The following NEK7 variants were observed in gnomAD, a reference collection of about 807,000 sequenced individuals.
NEK7 encodes the protein serine/threonine-protein kinase Nek7.
A neutral mutation model predicts 44.6 loss-of-function variants in NEK7; 18 were observed. The observed-to-expected ratio is 0.40, with a 90% CI of 0.28 to 0.60. The LOEUF (loss-of-function observed/expected upper bound fraction) is 0.60. Among genes scored for constraint, NEK7 ranks in the 20% least tolerant of loss-of-function variants. The probability of loss-of-function intolerance (pLI) is 0.38; values close to 1 mark genes in which losing one functional copy is unlikely to be tolerated. For synonymous variants in NEK7, 130 were observed against 121.1 expected (o/e 1.07, Z -0.48); for missense variants, 256 against 366.5 (o/e 0.70, Z 2.46).
intron 1 of NEK7, among the ~76,000 whole-genome samples, chr1:198,208,224 G>A (rs576535876): frequency 1.3e-5 from 2 of 152,230 alleles, no homozygotes; most frequent in African/African-American, 4.8e-5. Flanking sequence ...TGATGTATTG[G>A]ATATAGTATG....
At chr1:198,193,561 T>C (rs141043167) in intron 1 of NEK7, among the ~76,000 whole-genome samples, 1 of 152,250 alleles carries the variant, frequency 6.6e-6, no homozygotes, top group East Asian at 1.9e-4. Context: ...AAATCCTCAG[T>C]GAAATACTGG....
rs144879182 is a variant in NEK7, at chr1:198,216,450, T to G, written c.-28-16103T>G. On this transcript the variant is annotated intron_variant, in intron 1 of 9. Coordinates refer to ENST00000367385, the MANE Select transcript of NEK7 (RefSeq NM_133494.3). ...GCAAAGACAGTGTTAAGAGGAAAGT[T>G]TATAGCGCTAAATATCTATATCAAA... Among the ~76,000 whole-genome samples, 59 of 152,118 alleles carry G rather than the reference T, an allele frequency of 3.9e-4. No homozygotes were observed. In the East Asian group the frequency reaches 9.7e-3, roughly 25 times the overall value.
At chr1:198,183,563 A>C (rs1664828007) in intron 1 of NEK7, among the ~76,000 whole-genome samples, 1 of 152,222 alleles carries the variant, frequency 6.6e-6, no homozygotes, top group South Asian at 2.1e-4. Context: ...GACTTATAGT[A>C]AATAAACATT....
intron 1 of NEK7, among the ~76,000 whole-genome samples, chr1:198,172,351 A>G (rs1664475038): frequency 6.6e-6 from 1 of 152,232 alleles, no homozygotes; most frequent in Non-Finnish European, 1.5e-5. Context: ...ATTTATGTCT[A>G]GGTGTTTCCT....
intron 5 of NEK7, 172 bp from the exon 6 acceptor site, chr1:198,277,789 C>A: frequency 1.8e-6 from 1 of 545,782 alleles, no homozygotes; most frequent in East Asian, 3.0e-5. Context: ...AAAACTTAAG[C>A]CATTATGTCA....
At chr1:198,217,815 A>T (rs1462584877) in intron 1 of NEK7, among the ~76,000 whole-genome samples, 6 of 150,596 alleles carry the variant, frequency 4.0e-5, no homozygotes, top group Non-Finnish European at 8.9e-5. Flanking sequence ...CAAATCAAGA[A>T]CACAATCCGT....
chr1:198,174,855 T>C (rs1203209253), intron 1 of NEK7, among the ~76,000 whole-genome samples: 9 of 152,058 alleles, frequency 5.9e-5, no homozygotes, highest in Non-Finnish European at 1.3e-4. Flanking sequence ...CCTCCTGGGC[T>C]CAAGTGATCC....
intron 2 of NEK7, among the ~76,000 whole-genome samples, chr1:198,252,668 T>G (rs528639358): frequency 3.0e-5 from 4 of 131,888 alleles, no homozygotes; most frequent in Non-Finnish European, 4.7e-5. Context: ...GTTTATATAT[T>G]AAAACATATG....
At chr1:198,264,308 A>G in intron 5 of NEK7, 73 bp downstream of exon 5, 1 of 1,038,678 alleles carries the variant, frequency 9.6e-7, no homozygotes, top group Non-Finnish European at 1.4e-6. Flanking sequence ...TTAAACACAT[A>G]GGGATATTAG....
intron 2 of NEK7, among the ~76,000 whole-genome samples, chr1:198,242,458 C>T (rs1296605267): frequency 2.3e-4 from 33 of 142,926 alleles, no homozygotes; most frequent in African/African-American, 7.2e-4. Context: ...AATGCCGTGG[C>T]GTGATCTCAG....
intron 1 of NEK7, among the ~76,000 whole-genome samples, chr1:198,163,072 G>C (rs2102699732): frequency 6.6e-6 from 1 of 152,142 alleles, no homozygotes; most frequent in East Asian, 1.9e-4. Flanking sequence ...TCATAACAAA[G>C]ACATATGTCC....
chr1:198,232,595 A>G lies in NEK7; in HGVS notation c.15A>G (p.Ser5=). The change falls in exon 2 of 10, where the codon TCA becomes TCG. Residue 5 remains serine, a synonymous_variant. Coordinates refer to ENST00000367385, the MANE Select transcript of NEK7 (RefSeq NM_133494.3). ...TGCTTCAGACAATGGATGAGCAATCACAAGGAATGCAAGGGCCACCTGTTC... is the reference window on the plus strand; with the variant it reads ...TGCTTCAGACAATGGATGAGCAATCGCAAGGAATGCAAGGGCCACCTGTTC... MDEQ[S]QGMQGPPVPQ... is the part of the protein sequence containing the mutation. 1 of 1,606,254 alleles carries G rather than the reference A, an allele frequency of 6.2e-7. No homozygotes were observed. Among genetic ancestry groups the G allele is most frequent in the Non-Finnish European group, 8.5e-7 (1 of 1,173,104 alleles).
intron 9 of NEK7, among the ~76,000 whole-genome samples, chr1:198,300,660 C>T (rs1654856248): frequency 6.6e-6 from 1 of 151,826 alleles, no homozygotes; most frequent in Non-Finnish European, 1.5e-5. Flanking sequence ...AACTCTGCTG[C>T]TTATCTGTAT....
chr1:198,243,074 A>G (rs1034314450), intron 2 of NEK7, among the ~76,000 whole-genome samples: 1 of 152,082 alleles, frequency 6.6e-6, no homozygotes, highest in African/African-American at 2.4e-5. Context: ...CATCGAGTTC[A>G]TTTCTTCCTT....
At chr1:198,299,808 CT>C (rs1558101359) in intron 9 of NEK7, among the ~76,000 whole-genome samples, 1 of 152,120 alleles carries the variant, frequency 6.6e-6, no homozygotes, top group Non-Finnish European at 1.5e-5. Flanking sequence ...CAATTTATTT[CT>C]AGATATAGTC....
intron 7 of NEK7, among the ~76,000 whole-genome samples, chr1:198,288,858 A>G (rs1202556865): frequency 6.6e-6 from 1 of 152,202 alleles, no homozygotes; most frequent in Admixed American, 6.5e-5. Flanking sequence ...GCACAGCAAC[A>G]ATAACAATAA....
chr1:198,320,387 T>C lies in NEK7; in HGVS notation c.*865T>C, dbSNP rs1435241140. The C allele has an allele frequency of 2.0e-5, 3 of 152,142 alleles. No homozygotes were observed. The highest frequency in any genetic ancestry group is 2.0e-4 in the Admixed American group (3 of 15,272). 9.4% of individuals were successfully genotyped at this position (152,142 alleles called of 1,614,324 possible). ...CAATTTCTTTATAAATTTAAGTGCA[T>C]TTTAACTCATAATTGTACACTATAA... On this transcript the variant is annotated 3_prime_UTR_variant, in exon 10 of 10. Transcript: ENST00000367385.
At chr1:198,226,068 C>T (rs1312572866) in intron 1 of NEK7, among the ~76,000 whole-genome samples, 2 of 151,982 alleles carry the variant, frequency 1.3e-5, no homozygotes, top group Non-Finnish European at 2.9e-5. Flanking sequence ...GTCCCTGAAA[C>T]ATGGAACTTA....
intron 1 of NEK7, among the ~76,000 whole-genome samples, chr1:198,204,899 G>A (rs902716201): frequency 5.3e-5 from 8 of 151,952 alleles, no homozygotes; most frequent in African/African-American, 1.9e-4. Context: ...AGACATCCGC[G>A]TGTGCCTGGG....
Sources: allele counts gnomAD v4.1 joint callset (sites outside exome capture counted in the v4.1 genomes callset), GRCh38; gene constraint gnomAD v4.1.1; transcripts MANE v1.5; gene names NCBI Gene and HGNC (gene_info 2026-07-23, HGNC 2026-07-21).